The following TAFA2 variants were observed in gnomAD, a reference collection of about 807,000 sequenced individuals.
TAFA2 encodes TAFA chemokine like family member 2, also known as chemokine-like protein TAFA-2.
TAFA2 carries 7 observed loss-of-function variants against 18.8 expected under a neutral mutation model. That is an observed-to-expected ratio of 0.37 (90% confidence interval 0.21 to 0.70). The LOEUF is 0.70. TAFA2 is among the 30% of genes least tolerant of loss of function. TAFA2 has a pLI of 0.53. For synonymous variants in TAFA2, 60 were observed against 54.2 expected, an observed-to-expected ratio of 1.11 and a Z score of -0.47; for missense variants, 122 against 158.1, an observed-to-expected ratio of 0.77 and a Z score of 1.23.
At chr12:62,004,368 A>G (rs1488331893) in intron 1 of TAFA2, among the ~76,000 whole-genome samples, 1 of 152,178 alleles carries the variant, frequency 6.6e-6, no homozygotes, top group African/African-American at 2.4e-5. Flanking sequence ...TGATATGGTT[A>G]TATTCTTTTC....
At chr12:61,921,561 TG>T (rs1042694708) in intron 1 of TAFA2, among the ~76,000 whole-genome samples, 1 of 151,976 alleles carries the variant, frequency 6.6e-6, no homozygotes, top group African/African-American at 2.4e-5. Flanking sequence ...TGTGGTGTGG[TG>T]GGGTATGATT....
At chr12:62,167,242 G>A (rs2062447141) in intron 1 of TAFA2, among the ~76,000 whole-genome samples, 1 of 152,120 alleles carries the variant, frequency 6.6e-6, no homozygotes, top group Non-Finnish European at 1.5e-5. Context: ...AAGGACAGAA[G>A]CTAAACTTCT....
chr12:61,913,682 C>A (rs1158969266), intron 1 of TAFA2, among the ~76,000 whole-genome samples: 1 of 152,102 alleles, frequency 6.6e-6, no homozygotes, highest in Non-Finnish European at 1.5e-5. Flanking sequence ...ACTTTGCTTT[C>A]TTGGTAATTT....
intron 1 of TAFA2, among the ~76,000 whole-genome samples, chr12:61,920,644 G>A (rs1040835608): frequency 2.6e-5 from 4 of 152,062 alleles, no homozygotes; most frequent in African/African-American, 4.8e-5. Flanking sequence ...TCTTGCACAC[G>A]TATGTGTGCT....
At chr12:62,140,730 T>A (rs2062234142) in intron 1 of TAFA2, among the ~76,000 whole-genome samples, 1 of 152,134 alleles carries the variant, frequency 6.6e-6, no homozygotes, top group South Asian at 2.1e-4. Context: ...CCTAGGGTGG[T>A]GCCCAGTTCA....
intron 2 of TAFA2, among the ~76,000 whole-genome samples, chr12:61,845,410 C>A (rs1017360074): frequency 6.6e-6 from 1 of 152,072 alleles, no homozygotes; most frequent in Non-Finnish European, 1.5e-5. Flanking sequence ...TTTGGTCACC[C>A]CCAAGTTCTG....
chr12:62,051,649 T>A (rs1176070810), intron 1 of TAFA2, among the ~76,000 whole-genome samples: 1 of 151,724 alleles, frequency 6.6e-6, no homozygotes, highest in African/African-American at 2.4e-5. Flanking sequence ...GGCACACCTG[T>A]CACCTGTCCA....
intron 2 of TAFA2, among the ~76,000 whole-genome samples, chr12:61,863,726 G>A (rs1319903555): frequency 2.0e-5 from 3 of 152,150 alleles, no homozygotes; most frequent in Non-Finnish European, 4.4e-5. Flanking sequence ...TTTCAGGGCT[G>A]TGCACCTTTC....
chr12:61,889,210 C>A (rs912451033), intron 1 of TAFA2, among the ~76,000 whole-genome samples: 2 of 152,158 alleles, frequency 1.3e-5, no homozygotes, highest in African/African-American at 4.8e-5. Context: ...TTTCTGTTGT[C>A]TCATAAGGAA....
At chr12:62,081,796 T>C (rs577810821) in intron 1 of TAFA2, among the ~76,000 whole-genome samples, 1 of 152,234 alleles carries the variant, frequency 6.6e-6, no homozygotes, top group South Asian at 2.1e-4. Context: ...CTTCAACTTG[T>C]ATTTTAAGTT....
At chr12:62,112,726 T>C (rs181270996) in intron 1 of TAFA2, among the ~76,000 whole-genome samples, 1 of 152,244 alleles carries the variant, frequency 6.6e-6, no homozygotes, top group African/African-American at 2.4e-5. Flanking sequence ...CTTTATTTCA[T>C]TAAGTTGATC....
At chr12:61,880,082 C>G in intron 1 of TAFA2, 1 of 647,862 alleles carries the variant, frequency 1.5e-6, no homozygotes, top group Non-Finnish European at 2.8e-6. Flanking sequence ...CAGCCACTCC[C>G]TGGACATGGA....
At chr12:62,039,175 T>C (rs915425842) in intron 1 of TAFA2, among the ~76,000 whole-genome samples, 3 of 152,198 alleles carry the variant, frequency 2.0e-5, no homozygotes, top group Admixed American at 1.3e-4. Flanking sequence ...ACAAAAGCAT[T>C]CATCCATTGG....
At chr12:61,869,588 T>C (rs1377096774) in intron 1 of TAFA2, among the ~76,000 whole-genome samples, 1 of 152,176 alleles carries the variant, frequency 6.6e-6, no homozygotes, top group African/African-American at 2.4e-5. Context: ...AGAGGCATAT[T>C]GCCAAATATG....
intron 1 of TAFA2, chr12:61,878,207 T>C: frequency 7.3e-6 from 3 of 409,918 alleles, no homozygotes; most frequent in South Asian, 3.6e-5. Context: ...GGATGACTTT[T>C]AAAAGAGTTC....
chr12:62,207,640 C>G (rs753786638), intron 1 of TAFA2, among the ~76,000 whole-genome samples: 2 of 152,124 alleles, frequency 1.3e-5, no homozygotes, highest in Non-Finnish European at 2.9e-5. Flanking sequence ...TAAATGAAGT[C>G]CAATTTTCTC....
At chr12:61,847,494 G>C (rs1565654783) in intron 2 of TAFA2, among the ~76,000 whole-genome samples, 1 of 152,206 alleles carries the variant, frequency 6.6e-6, no homozygotes, top group Non-Finnish European at 1.5e-5. Context: ...CTCAATTTTG[G>C]ACATGTATAC....
chr12:61,805,704 G>T (rs1871583545), intron 2 of TAFA2, among the ~76,000 whole-genome samples: 2 of 152,070 alleles, frequency 1.3e-5, no homozygotes, highest in Admixed American at 6.6e-5. Context: ...CCTATATTTA[G>T]TAGATTAATG....
At chr12:62,179,526 T>C (rs1250298753) in intron 1 of TAFA2, among the ~76,000 whole-genome samples, 1 of 152,224 alleles carries the variant, frequency 6.6e-6, no homozygotes, top group Non-Finnish European at 1.5e-5. Flanking sequence ...TTTTGACTTT[T>C]AGTTTAATAA....
Sources: gnomAD v4.1 joint callset for allele counts (sites outside exome capture counted in the v4.1 genomes callset) on GRCh38, gnomAD v4.1.1 for gene constraint, MANE v1.5 for transcripts, NCBI Gene and HGNC (gene_info 2026-07-23, HGNC 2026-07-21) for gene names.